Variants in MGMT observed in about 807,000 individuals in gnomAD.
MGMT encodes O-6-methylguanine-DNA methyltransferase, also known as methylated-DNA--protein-cysteine methyltransferase.
In MGMT, 14 loss-of-function variants were observed where a neutral mutation model predicts 15.9. The observed-to-expected ratio is 0.88, with a 90% CI of 0.58 to 1.37. The LOEUF is 1.37. Among genes scored for constraint, MGMT ranks in the 40% most tolerant of loss-of-function variants. The pLI is 0.00. For synonymous variants in MGMT, 130 were observed against 118.2 expected (o/e 1.10, Z -0.65); for missense variants, 282 against 268.1 (o/e 1.05, Z -0.36).
chr10:129,701,774 G>T (rs1441882169), intron 2 of MGMT: 1 of 152,172 alleles, frequency 6.6e-6, no homozygotes, highest in East Asian at 1.9e-4. Context: ...CACAGTCAAA[G>T]GAAGCCCGTG....
intron 2 of MGMT, among the ~76,000 whole-genome samples, chr10:129,630,072 C>G (rs12415589): frequency 0.38 from 57,530 of 152,084 alleles, 11,584 homozygotes; most frequent in African/African-American, 0.49. Flanking sequence ...TGTTCTGCAG[C>G]TGTGTTCTTT....
chr10:129,743,402 C>T (rs561347168), intron 3 of MGMT, among the ~76,000 whole-genome samples: 5 of 152,350 alleles, frequency 3.3e-5, no homozygotes, highest in South Asian at 2.1e-4. Flanking sequence ...TGTGGCCCTC[C>T]GTTGGCCGAC....
intron 3 of MGMT, among the ~76,000 whole-genome samples, chr10:129,738,917 CA>C (rs1464366473): frequency 6.6e-6 from 1 of 152,186 alleles, no homozygotes; most frequent in African/African-American, 2.4e-5. Context: ...AAAATGCTGG[CA>C]AACCGAATCC....
intron 1 of MGMT, among the ~76,000 whole-genome samples, chr10:129,482,898 T>C (rs1845373137): frequency 6.6e-6 from 1 of 152,208 alleles, no homozygotes. Flanking sequence ...TTTAATGTAA[T>C]TATTAATATG....
chr10:129,494,519 T>C (rs1332786043), intron 1 of MGMT, among the ~76,000 whole-genome samples: 1 of 152,196 alleles, frequency 6.6e-6, no homozygotes, highest in African/African-American at 2.4e-5. Flanking sequence ...ATGACAGGAT[T>C]GGCCAGGGCT....
intron 2 of MGMT, among the ~76,000 whole-genome samples, chr10:129,586,551 G>A (rs967589686): frequency 6.6e-6 from 1 of 152,178 alleles, no homozygotes; most frequent in African/African-American, 2.4e-5. Context: ...CATGCATGTT[G>A]TTGCATGTGT....
intron 2 of MGMT, among the ~76,000 whole-genome samples, chr10:129,619,778 C>T (rs1016394298): frequency 2.6e-5 from 4 of 152,110 alleles, no homozygotes; most frequent in Non-Finnish European, 5.9e-5. Flanking sequence ...ATCCAGTTAT[C>T]CCTCTCAGGT....
intron 3 of MGMT, among the ~76,000 whole-genome samples, chr10:129,752,882 C>T (rs1273403605): frequency 2.0e-5 from 3 of 152,128 alleles, no homozygotes; most frequent in African/African-American, 4.8e-5. Context: ...CATATACTTA[C>T]ATTTTTCTTA....
intron 1 of MGMT, among the ~76,000 whole-genome samples, chr10:129,469,623 G>C (rs904838158): frequency 6.6e-6 from 1 of 152,138 alleles, no homozygotes; most frequent in Admixed American, 6.5e-5. Flanking sequence ...CTGTTGCTAC[G>C]GTCCTTCCTG....
chr10:129,742,336 C>T (rs1848643709), intron 3 of MGMT, among the ~76,000 whole-genome samples: 1 of 152,246 alleles, frequency 6.6e-6, no homozygotes, highest in Non-Finnish European at 1.5e-5. Context: ...AAAATGACTT[C>T]ACACCATGCG....
intron 2 of MGMT, among the ~76,000 whole-genome samples, chr10:129,562,094 C>T (rs532069755): frequency 6.6e-6 from 1 of 152,292 alleles, no homozygotes; most frequent in African/African-American, 2.4e-5. Context: ...TCCATTCTGA[C>T]TCAGAATGGC....
chr10:129,758,729 G>A (rs1478277425), intron 3 of MGMT, among the ~76,000 whole-genome samples: 3 of 152,196 alleles, frequency 2.0e-5, no homozygotes, highest in Admixed American at 2.0e-4. Context: ...GCACGCGGCT[G>A]GAGGTGGACA....
At position 129,532,071 on chromosome 10, in the gene MGMT, A is replaced by T. The variant is rs1294508066; in HGVS notation, c.-12-4170A>T. Among the ~76,000 whole-genome samples, 2 of 152,168 alleles carry T rather than the reference A, an allele frequency of 1.3e-5. No homozygotes were observed. The highest frequency in any genetic ancestry group is 6.5e-5 in the Admixed American group (1 of 15,278). ...TGGATGGAGCTCACCTGGTCCCCCC[A>T]GCTCCCTGCTTTGTGATTGATTCAG... On this transcript the variant is annotated intron_variant, in intron 1 of 4. Coordinates refer to ENST00000651593, the MANE Select transcript of MGMT (RefSeq NM_002412.5). The surrounding 1 kb of genome is among the most constrained non-coding windows in gnomAD (Gnocchi z 5.3).
chr10:129,652,264 G>A (rs973602110), intron 2 of MGMT, among the ~76,000 whole-genome samples: 1 of 152,242 alleles, frequency 6.6e-6, no homozygotes, highest in African/African-American at 2.4e-5. Flanking sequence ...AGAACTGGGG[G>A]GCTCGGCCTC....
intron 4 of MGMT, among the ~76,000 whole-genome samples, chr10:129,759,669 G>A (rs3793905): frequency 0.38 from 58,207 of 151,876 alleles, 11,686 homozygotes; most frequent in Admixed American, 0.51. Context: ...GGAGGTGGAC[G>A]TGTTGGGTGC....
At chr10:129,467,346 G>T in intron 1 of MGMT, 50 bp downstream of exon 1, 1 of 1,500,214 alleles carries the variant, frequency 6.7e-7, no homozygotes. Flanking sequence ...GCTCTCCCTC[G>T]GGACGGTGGC....
chr10:129,647,104 G>A (rs577948935), intron 2 of MGMT, among the ~76,000 whole-genome samples: 148 of 152,130 alleles, frequency 9.7e-4, no homozygotes, highest in African/African-American at 3.3e-3. Context: ...CCTCAGCCCC[G>A]GTAGCCCCCA....
rs1305508028 is a variant in MGMT, at chr10:129,542,729, G to A, written c.125+6352G>A. ...AGGAAAACTTGCCAGGCGCTCCTTG[G>A]CTTTATAGAAATCGTCTGTTTTTCA... is the stretch of plus-strand genomic sequence containing the variant. On this transcript the variant is annotated intron_variant, in intron 2 of 4. Transcript: ENST00000651593. Among the ~76,000 whole-genome samples, 3 of 152,276 alleles carry A rather than the reference G, an allele frequency of 2.0e-5. No individual in the cohort carries two copies. The South Asian group carries it at 6.2e-4, about 32-fold the overall frequency.
intron 2 of MGMT, among the ~76,000 whole-genome samples, chr10:129,639,608 A>G (rs1847303740): frequency 6.6e-6 from 1 of 152,236 alleles, no homozygotes; most frequent in Non-Finnish European, 1.5e-5. Context: ...AAGAAGTCAC[A>G]GGGAAACTTA....
Sources: allele counts gnomAD v4.1 joint callset (sites outside exome capture counted in the v4.1 genomes callset), GRCh38; gene constraint gnomAD v4.1.1; non-coding constraint Gnocchi (gnomAD v3.1); transcripts MANE v1.5; gene names NCBI Gene and HGNC (gene_info 2026-07-23, HGNC 2026-07-21).